The following RANBP2 variants were observed in gnomAD, a reference collection of about 807,000 sequenced individuals.
RANBP2 encodes the protein E3 SUMO-protein ligase RanBP2.
Under a neutral mutation model 303.6 loss-of-function variants are expected in RANBP2, and 57 were observed. The ratio of observed to expected loss-of-function variants is 0.19; its 90% confidence interval spans 0.15 to 0.23. The LOEUF (loss-of-function observed/expected upper bound fraction) is 0.23, where lower values mean the gene tolerates loss of function less well. Ranked by LOEUF, RANBP2 falls within the 10% of genes least tolerant of loss-of-function variation. RANBP2 has a pLI of 1.00. For missense variants in RANBP2, 3,138 were observed against 3,780.8 expected (o/e 0.83, Z 4.46); for synonymous variants, 1,167 against 1,301.5 (o/e 0.90, Z 2.23).
the RANBP2 span, among the ~76,000 whole-genome samples, chr2:109,559,228 T>C: frequency 1.1e-3 from 166 of 152,292 alleles, 1 homozygote; most frequent in African/African-American, 3.8e-3. Flanking sequence ...AGCTTCCTAA[T>C]ACATCAGACT....
chr2:109,106,953 T>TC, the RANBP2 span, among the ~76,000 whole-genome samples: 5 of 150,890 alleles, frequency 3.3e-5, no homozygotes, highest in East Asian at 9.7e-4. Flanking sequence ...TTTTTTTTTT[T>TC]TAAAGACAGA....
chr2:108,976,788 C>T, the RANBP2 span, among the ~76,000 whole-genome samples: 1 of 152,152 alleles, frequency 6.6e-6, no homozygotes, highest in Non-Finnish European at 1.5e-5. Context: ...CTTAGACATA[C>T]TACCATTTTT....
At chr2:108,879,159 A>G in the RANBP2 span, among the ~76,000 whole-genome samples, 2 of 152,208 alleles carry the variant, frequency 1.3e-5, no homozygotes, top group Non-Finnish European at 2.9e-5. Context: ...TTCTGTAGAG[A>G]CAGGGTTTTG....
the RANBP2 span, among the ~76,000 whole-genome samples, chr2:109,221,837 C>T: frequency 6.6e-6 from 1 of 152,002 alleles, no homozygotes; most frequent in Non-Finnish European, 1.5e-5. Context: ...TCATATGATC[C>T]AACAATCCCA....
the RANBP2 span, among the ~76,000 whole-genome samples, chr2:109,027,804 G>A: frequency 6.6e-6 from 1 of 152,280 alleles, no homozygotes; most frequent in Non-Finnish European, 1.5e-5. Flanking sequence ...TGGCCTCCCC[G>A]CCATGCGTCT....
chr2:109,102,755 G>A, the RANBP2 span, among the ~76,000 whole-genome samples: 1 of 152,172 alleles, frequency 6.6e-6, no homozygotes, highest in Non-Finnish European at 1.5e-5. Flanking sequence ...TAAGTGCAGG[G>A]TGTTCTACTC....
the RANBP2 span, among the ~76,000 whole-genome samples, chr2:108,832,066 G>A: frequency 6.6e-6 from 1 of 151,230 alleles, no homozygotes; most frequent in Non-Finnish European, 1.5e-5. Context: ...GTCTCACTCT[G>A]TCGCCCAGGC....
the RANBP2 span, among the ~76,000 whole-genome samples, chr2:109,200,405 T>C: frequency 2.0e-5 from 3 of 152,146 alleles, no homozygotes. Flanking sequence ...CTTTCTCTCT[T>C]TCCCTCCATC....
chr2:108,814,858 T>C, the RANBP2 span, among the ~76,000 whole-genome samples: 1 of 151,800 alleles, frequency 6.6e-6, no homozygotes, highest in African/African-American at 2.4e-5. Flanking sequence ...CTGGTTTCAA[T>C]CTCCTGACCT....
chr2:109,428,153 A>G, the RANBP2 span, among the ~76,000 whole-genome samples: 1 of 152,228 alleles, frequency 6.6e-6, no homozygotes. Flanking sequence ...AATTCGAGCC[A>G]GCGTGGCCCT....
At chr2:109,707,970 C>A in the RANBP2 span, among the ~76,000 whole-genome samples, 2 of 152,240 alleles carry the variant, frequency 1.3e-5, no homozygotes, top group African/African-American at 2.4e-5. Context: ...CAGGTGCCAG[C>A]ACCTCAGCAG....
At chr2:109,234,938 A>G in the RANBP2 span, among the ~76,000 whole-genome samples, 3 of 152,210 alleles carry the variant, frequency 2.0e-5, no homozygotes, top group African/African-American at 7.2e-5. Context: ...GAGTTGTTGT[A>G]TGAGTGTCCT....
chr2:109,173,495 G>C, the RANBP2 span, among the ~76,000 whole-genome samples: 11 of 152,300 alleles, frequency 7.2e-5, no homozygotes, highest in East Asian at 2.1e-3. Flanking sequence ...TTTAAGGCTG[G>C]GGTTGGCACA....
At chr2:109,647,155 C>CTTTTTT in the RANBP2 span, among the ~76,000 whole-genome samples, 3 of 71,526 alleles carry the variant, frequency 4.2e-5, no homozygotes, top group African/African-American at 1.1e-4. Context: ...GCTCTCCTCA[C>CTTTTTT]TTTTTTTTTT....
At chr2:109,365,739 T>G in the RANBP2 span, among the ~76,000 whole-genome samples, 1 of 152,224 alleles carries the variant, frequency 6.6e-6, no homozygotes, top group African/African-American at 2.4e-5. Context: ...TATTTAGTTT[T>G]TTTGCCTAAA....
chr2:109,533,764 T>C, the RANBP2 span, among the ~76,000 whole-genome samples: 9 of 152,244 alleles, frequency 5.9e-5, no homozygotes, highest in African/African-American at 1.7e-4. Flanking sequence ...TTGAGTTAGA[T>C]AATTGAAAAG....
chr2:108,873,409 C>G, the RANBP2 span: 1 of 1,430,306 alleles, frequency 7.0e-7, no homozygotes, highest in Non-Finnish European at 9.2e-7. Context: ...TTTCCTTTTT[C>G]GCTACTCCCT....
At chr2:109,448,349 C>T in the RANBP2 span, among the ~76,000 whole-genome samples, 1 of 152,222 alleles carries the variant, frequency 6.6e-6, no homozygotes, top group Non-Finnish European at 1.5e-5. Context: ...GCCTCCAAGC[C>T]ACAGACCAAT....
At chr2:109,208,994 G>A in the RANBP2 span, among the ~76,000 whole-genome samples, 2 of 152,198 alleles carry the variant, frequency 1.3e-5, no homozygotes, top group Non-Finnish European at 2.9e-5. Flanking sequence ...ACAGAGGCCC[G>A]ACATCAACAC....
Sources: gnomAD v4.1 joint callset for allele counts (sites outside exome capture counted in the v4.1 genomes callset) on GRCh38, gnomAD v4.1.1 for gene constraint, MANE v1.5 for transcripts, NCBI Gene and HGNC (gene_info 2026-07-23, HGNC 2026-07-21) for gene names.